Variants in SPTA1 observed in about 807,000 individuals in gnomAD.
The protein encoded by SPTA1 is spectrin alpha, erythrocytic 1.
Under a neutral mutation model 324.7 loss-of-function variants are expected in SPTA1, and 177 were observed. The observed-to-expected ratio is 0.55, with a 90% CI of 0.48 to 0.62. SPTA1 has a LOEUF of 0.62. Among genes scored for constraint, SPTA1 ranks in the 20% least tolerant of loss-of-function variants. The pLI, the probability that SPTA1 is intolerant of heterozygous loss-of-function variation, is 0.00. For missense variants in SPTA1, 3,162 were observed against 2,883.6 expected (o/e 1.10, Z -2.21); for synonymous variants, 1,195 against 1,041.3 (o/e 1.15, Z -2.84).
chr1:158,617,930 T>A, intron 46 of SPTA1, 109 bp downstream of exon 46: 2 of 1,066,832 alleles, frequency 1.9e-6, no homozygotes, highest in Non-Finnish European at 1.4e-6. Context: ...TTTATTTACA[T>A]ACTACCAGAT....
intron 33 of SPTA1, among the ~76,000 whole-genome samples, chr1:158,640,915 AAGGCTAC>A (rs1424110178): frequency 6.6e-6 from 1 of 152,194 alleles, no homozygotes; most frequent in African/African-American, 2.4e-5. Context: ...ACTATACTAC[AAGGCTAC>A]AGTAACCAAA....
Position 158,677,754 on chromosome 1 carries a change from G to T in SPTA1, c.893C>A (p.Ala298Asp). 6.2e-7 allele frequency: 1 copy of T among 1,613,676 alleles called. No homozygotes were observed. The highest frequency in any genetic ancestry group is 1.7e-4 in the Middle Eastern group (1 of 6,058). ...GTGACTGTGAAACAGTCCTTCAGAG[G>T]CAACAAGGTCTTTGCCATAGTCCTC... is the stretch of plus-strand genomic sequence containing the variant. ...TSEDYGKDLV[A>D]SEGLFHSHKG... The change falls in exon 7 of 52, where the codon GCC becomes GAC. Residue 298 changes from alanine to aspartate, a missense_variant. Coordinates refer to ENST00000643759, the MANE Select transcript of SPTA1 (RefSeq NM_003126.4).
chr1:158,624,750 C>A (rs989624115), intron 42 of SPTA1, among the ~76,000 whole-genome samples: 1 of 151,984 alleles, frequency 6.6e-6, no homozygotes, highest in Non-Finnish European at 1.5e-5. Flanking sequence ...TTTTAGATGC[C>A]AAAACTGTAT....
At chr1:158,650,528 A>C (rs555364385) in intron 24 of SPTA1, among the ~76,000 whole-genome samples, 69 of 152,338 alleles carry the variant, frequency 4.5e-4, no homozygotes, top group Non-Finnish European at 8.5e-4. Flanking sequence ...AATCAGGTCA[A>C]GAATGGCCTC....
Position 158,680,740 on chromosome 1 carries a change from A to T in SPTA1, c.532-11T>A. 6.2e-7 allele frequency: 1 copy of T among 1,613,512 alleles called. No individual in the cohort carries two copies. Among genetic ancestry groups the T allele is most frequent in the Non-Finnish European group, 8.5e-7 (1 of 1,179,752 alleles). On this transcript the variant is annotated splice_polypyrimidine_tract_variant and intron_variant, in intron 4 of 51. Coordinates refer to ENST00000643759, the MANE Select transcript of SPTA1 (RefSeq NM_003126.4). ...TGTCGCTATAGCCTCCTGTAGACAC[A>T]GAAGTTGATTGAGTTGCCAGCAAAC...
At position 158,634,654 on chromosome 1, in the gene SPTA1, G is replaced by A. The variant is rs1283511211; in HGVS notation, c.5454C>T (p.Ser1818=). ...TCTGCATGAATTGCAAGTATTCTAG[G>A]GATTCTTCCAACTTAAGTCCTCTAT... ...AKARGLKLEE[S]LEYLQFMQNA... is the part of the protein sequence containing the mutation. The change falls in exon 39 of 52, where the codon TCC becomes TCT. Residue 1818 remains serine, a synonymous_variant. Transcript: ENST00000643759. 6 of 1,613,902 alleles carry A rather than the reference G, an allele frequency of 3.7e-6. No individual in the cohort carries two copies. The Admixed American group carries it at 5.0e-5, about 13-fold the overall frequency.
intron 10 of SPTA1, among the ~76,000 whole-genome samples, chr1:158,672,782 A>G (rs866261257): frequency 2.6e-5 from 4 of 152,226 alleles, no homozygotes; most frequent in South Asian, 2.1e-4. Flanking sequence ...TTACACCTGC[A>G]GCTGTATTAT....
In SPTA1 at chr1:158,656,617, T is replaced by G; in HGVS notation, c.2845A>C (p.Asn949His). The G allele has an allele frequency of 1.2e-6, 2 of 1,613,904 alleles. No homozygotes were observed. Among genetic ancestry groups the G allele is most frequent in the Non-Finnish European group, 1.7e-6 (2 of 1,179,910 alleles). Residue 949 changes from asparagine (N) to histidine (H), a missense_variant, in exon 20 of 52, where the codon AAT (asparagine) becomes CAT (histidine). Asn to His is a moderately conservative substitution (Grantham distance 68). Transcript: ENST00000643759. ...GCTTTCATACTGTCTCCAAATGAATTGAGATCTAATAGAAAGGCCTCATGC... is the reference window on the plus strand; with the variant it reads ...GCTTTCATACTGTCTCCAAATGAATGGAGATCTAATAGAAAGGCCTCATGC... ...KKHEAFLLDL[N>H]SFGDSMKALR... is the part of the protein sequence containing the mutation.
intron 16 of SPTA1, among the ~76,000 whole-genome samples, chr1:158,663,875 G>T (rs1417134423): frequency 6.6e-6 from 1 of 152,106 alleles, no homozygotes; most frequent in Non-Finnish European, 1.5e-5. Flanking sequence ...AATAAAAAAA[G>T]AAGTTCTTCA....
At position 158,674,670 on chromosome 1, in the gene SPTA1, T is replaced by C. The variant is rs1329879862; in HGVS notation, c.1118A>G (p.His373Arg). The change falls in exon 9 of 52, where the codon CAT (histidine) becomes CGT (arginine). Residue 373 changes from histidine (H) to arginine (R), a missense_variant. By Grantham distance (29) the His-to-Arg change is conservative (BLOSUM62 0). Transcript: ENST00000643759. ...YEKLQATYWY[H>R]RFSSDFDELS... ...TTCATCAAAGTCAGATGAAAATCGA[T>C]GGTACCTGTGGGAAAAGTGAGGTAA... 1.2e-6 allele frequency: 2 copies of C among 1,613,706 alleles called. No individual in the cohort carries two copies. Among genetic ancestry groups the C allele is most frequent in the East Asian group, 2.2e-5 (1 of 44,876 alleles).
At chr1:158,634,174 G>A (rs551475917) in intron 39 of SPTA1, among the ~76,000 whole-genome samples, 1 of 152,288 alleles carries the variant, frequency 6.6e-6, no homozygotes, top group Admixed American at 6.5e-5. Context: ...CCAGACATAA[G>A]AAGATTTTTT....
intron 25 of SPTA1, among the ~76,000 whole-genome samples, chr1:158,649,636 C>T (rs912306286): frequency 2.6e-5 from 4 of 152,184 alleles, no homozygotes; most frequent in African/African-American, 7.2e-5. Flanking sequence ...TAATTATGTT[C>T]CAAGGCCCAA....
intron 47 of SPTA1, 125 bp from the exon 48 acceptor site, chr1:158,615,528 T>G: frequency 1.0e-6 from 1 of 958,096 alleles, no homozygotes; most frequent in Non-Finnish European, 1.6e-6. Flanking sequence ...TGTGAAAAGA[T>G]GAACTACTTG....
intron 27 of SPTA1, 78 bp downstream of exon 27, chr1:158,647,461 T>C (rs903264161): frequency 3.0e-5 from 47 of 1,576,606 alleles, no homozygotes; most frequent in Non-Finnish European, 3.5e-6. Flanking sequence ...AAACCAGCAG[T>C]GAACAGCATC....
At chr1:158,658,595 T>G (rs10047206) in intron 18 of SPTA1, among the ~76,000 whole-genome samples, 13,338 of 152,100 alleles carry the variant, frequency 0.088, 1,939 homozygotes, top group African/African-American at 0.3. Flanking sequence ...ATCAGTCCCC[T>G]AATAAACCCT....
chr1:158,652,375 C>T, intron 23 of SPTA1, 92 bp downstream of exon 23: 1 of 1,428,246 alleles, frequency 7.0e-7, no homozygotes, highest in South Asian at 1.2e-5. Context: ...GAATATTTAA[C>T]AAGTGTGAAA....
intron 15 of SPTA1, among the ~76,000 whole-genome samples, chr1:158,667,221 A>T (rs1446862075): frequency 6.6e-6 from 1 of 152,220 alleles, no homozygotes; most frequent in African/African-American, 2.4e-5. Context: ...ATGTTTATAG[A>T]TGATGTTTAT....
At chr1:158,675,651 T>C (rs780165804) in intron 8 of SPTA1, among the ~76,000 whole-genome samples, 23 of 152,148 alleles carry the variant, frequency 1.5e-4, no homozygotes, top group Non-Finnish European at 2.8e-4. Context: ...CAATAACTAA[T>C]GATAAAATAG....
rs371671685 is a variant in SPTA1 at position 158,636,624 on chromosome 1, T to C, written c.5310+17A>G. 275 of 1,613,850 alleles carry C rather than the reference T, an allele frequency of 1.7e-4. No homozygotes were observed. In the African/African-American group the frequency reaches 3.1e-3, roughly 18 times the overall value. ...AGGATGATTTCTATATTTTCAGATC[T>C]GGTATTCTATTCCTACCTGGATGGC... On this transcript the variant is annotated intron_variant, in intron 37 of 51. Coordinates refer to ENST00000643759, the MANE Select transcript of SPTA1 (RefSeq NM_003126.4).
Sources: gnomAD v4.1 joint callset for allele counts (sites outside exome capture counted in the v4.1 genomes callset) on GRCh38, gnomAD v4.1.1 for gene constraint, MANE v1.5 for transcripts, NCBI Gene and HGNC (gene_info 2026-07-23, HGNC 2026-07-21) for gene names.